PDE4D: variants seen among roughly 807,000 people sequenced by gnomAD.
PDE4D encodes the protein phosphodiesterase 4D, also known as 3',5'-cyclic-AMP phosphodiesterase 4D.
PDE4D carries 24 observed loss-of-function variants against 87.4 expected under a neutral mutation model. That is an observed-to-expected ratio of 0.27 (90% CI 0.20 to 0.39). PDE4D has a LOEUF of 0.39. Ranked by LOEUF, PDE4D falls within the 10% of genes least tolerant of loss-of-function variation. The pLI is 1.00. For missense variants in PDE4D, 714 were observed against 1,041.0 expected (o/e 0.69, Z 4.32); for synonymous variants, 384 against 383.2 (o/e 1.00, Z -0.02).
intron 1 of PDE4D, among the ~76,000 whole-genome samples, chr5:59,706,575 T>C (rs1339937136): frequency 6.6e-6 from 1 of 152,148 alleles, no homozygotes; most frequent in Non-Finnish European, 1.5e-5. Flanking sequence ...AATGAGAACA[T>C]AAGTCTACCC....
intron 1 of PDE4D, among the ~76,000 whole-genome samples, chr5:59,727,704 T>C (rs1756805486): frequency 6.6e-6 from 1 of 152,064 alleles, no homozygotes. Context: ...GTGGGCAGGT[T>C]TCTTACCCTC....
chr5:59,810,361 C>T (rs1263812246), intron 1 of PDE4D, among the ~76,000 whole-genome samples: 1 of 152,174 alleles, frequency 6.6e-6, no homozygotes, highest in Non-Finnish European at 1.5e-5. Context: ...ATGGTTCATG[C>T]CCATTTTTAC....
chr5:59,812,937 A>T (rs1768531593), intron 1 of PDE4D, among the ~76,000 whole-genome samples: 2 of 152,260 alleles, frequency 1.3e-5, no homozygotes, highest in South Asian at 4.1e-4. Context: ...AATTTTGCCA[A>T]GTCAGGCTGC....
intron 5 of PDE4D, among the ~76,000 whole-genome samples, chr5:59,047,866 CA>C (rs1301744907): frequency 6.6e-6 from 1 of 152,152 alleles, no homozygotes; most frequent in Non-Finnish European, 1.5e-5. Flanking sequence ...CTCTTTCTAC[CA>C]TGTGGATACA....
chr5:59,558,263 CA>C (rs34555936), intron 1 of PDE4D, among the ~76,000 whole-genome samples: 134 of 152,118 alleles, frequency 8.8e-4, no homozygotes, highest in Non-Finnish European at 1.3e-3. Context: ...GAAGGTATAT[CA>C]GAAAATGACA....
intron 5 of PDE4D, among the ~76,000 whole-genome samples, chr5:59,146,912 C>T (rs544276843): frequency 1.2e-4 from 18 of 152,272 alleles, no homozygotes; most frequent in African/African-American, 3.9e-4. Context: ...AGACTGCTTC[C>T]GGTCCATGGC....
intron 2 of PDE4D, among the ~76,000 whole-genome samples, chr5:60,102,576 C>T (rs918667546): frequency 9.9e-5 from 15 of 151,998 alleles, no homozygotes; most frequent in African/African-American, 3.6e-4. Flanking sequence ...CCTTAAGACC[C>T]CAGGACTGAG....
At chr5:59,366,134 G>A (rs1432202922) in intron 1 of PDE4D, among the ~76,000 whole-genome samples, 1 of 151,894 alleles carries the variant, frequency 6.6e-6, no homozygotes, top group Non-Finnish European at 1.5e-5. Context: ...TTCCAACAGT[G>A]ACATTTAAGA....
chr5:59,557,844 C>T (rs1173947049), intron 1 of PDE4D, among the ~76,000 whole-genome samples: 2 of 152,134 alleles, frequency 1.3e-5, no homozygotes, highest in East Asian at 3.9e-4. Context: ...ACAGAAAAGG[C>T]AATAACTGCA....
chr5:59,690,522 A>G (rs1408074688), intron 1 of PDE4D, among the ~76,000 whole-genome samples: 1 of 152,230 alleles, frequency 6.6e-6, no homozygotes, highest in Non-Finnish European at 1.5e-5. Flanking sequence ...CCACATGTAG[A>G]AAGCTGAAAC....
At chr5:59,118,509 T>C (rs1054519527) in intron 5 of PDE4D, among the ~76,000 whole-genome samples, 1 of 152,212 alleles carries the variant, frequency 6.6e-6, no homozygotes, top group Non-Finnish European at 1.5e-5. Flanking sequence ...GTAGGTCTGC[T>C]CTAGCACTTT....
chr5:59,432,468 T>C (rs1333233835), intron 1 of PDE4D, among the ~76,000 whole-genome samples: 1 of 152,128 alleles, frequency 6.6e-6, no homozygotes, highest in African/African-American at 2.4e-5. Context: ...GGTGCTTGTA[T>C]TTCTGAAAAT....
chr5:59,664,464 C>T (rs918434497), intron 1 of PDE4D, among the ~76,000 whole-genome samples: 23 of 152,132 alleles, frequency 1.5e-4, no homozygotes, highest in African/African-American at 5.1e-4. Context: ...TTTTAGGTTT[C>T]AGAAGTAGTC....
At chr5:59,305,366 AT>A (rs965833262) in intron 1 of PDE4D, among the ~76,000 whole-genome samples, 18 of 109,064 alleles carry the variant, frequency 1.7e-4, no homozygotes, top group African/African-American at 8.3e-4. Flanking sequence ...TTATTTATTT[AT>A]TTTTTTGTAT....
chr5:59,443,062 A>C, intron 1 of PDE4D, among the ~76,000 whole-genome samples: 1 of 152,344 alleles, frequency 6.6e-6, no homozygotes, highest in South Asian at 2.1e-4. Context: ...CTGTCCTCAC[A>C]AAGCTTACAA....
intron 2 of PDE4D, among the ~76,000 whole-genome samples, chr5:60,160,205 A>G (rs1422694434): frequency 6.6e-6 from 1 of 152,208 alleles, no homozygotes; most frequent in East Asian, 1.9e-4. Context: ...AATACGGTAT[A>G]TAATACAAAA....
chr5:60,062,030 C>T (rs925234344), intron 2 of PDE4D, among the ~76,000 whole-genome samples: 2 of 152,062 alleles, frequency 1.3e-5, no homozygotes, highest in Non-Finnish European at 2.9e-5. Context: ...ATGGAATCAC[C>T]AAAAGCAATC....
chr5:60,243,762 T>G (rs767623623), intron 1 of PDE4D, among the ~76,000 whole-genome samples: 5 of 152,002 alleles, frequency 3.3e-5, no homozygotes, highest in Non-Finnish European at 5.9e-5. Context: ...CATCCCTTTA[T>G]GGTAAAAATC....
At chr5:59,663,244 G>A (rs1178034436) in intron 1 of PDE4D, among the ~76,000 whole-genome samples, 3 of 151,530 alleles carry the variant, frequency 2.0e-5, no homozygotes, top group Non-Finnish European at 2.9e-5. Flanking sequence ...GCCTCACTGC[G>A]ACCTCTGCCT....
Sources: gnomAD v4.1 joint callset for allele counts (sites outside exome capture counted in the v4.1 genomes callset) on GRCh38, gnomAD v4.1.1 for gene constraint, MANE v1.5 for transcripts, NCBI Gene and HGNC (gene_info 2026-07-23, HGNC 2026-07-21) for gene names.